The following NRG1 variants were observed in gnomAD, a reference collection of about 807,000 sequenced individuals.
NRG1 encodes the protein neuregulin 1, also known as pro-neuregulin-1, membrane-bound isoform.
In NRG1, 18 loss-of-function variants were observed where a neutral mutation model predicts 63.8. The ratio of observed to expected loss-of-function variants is 0.28; its 90% CI spans 0.19 to 0.42. The LOEUF is 0.42. Ranked by LOEUF, NRG1 falls within the 10% of genes least tolerant of loss-of-function variation. The pLI, the probability that NRG1 is intolerant of heterozygous loss-of-function variation, is 1.00. For missense variants in NRG1, 762 were observed against 814.7 expected, an observed-to-expected ratio of 0.94 and a Z score of 0.79; for synonymous variants, 302 against 301.3, an observed-to-expected ratio of 1.00 and a Z score of -0.02.
intron 1 of NRG1, among the ~76,000 whole-genome samples, chr8:32,240,096 T>C (rs2129469603): frequency 6.6e-6 from 1 of 152,336 alleles, no homozygotes; most frequent in South Asian, 2.1e-4. Flanking sequence ...TAAAAACCTG[T>C]ACATGAATAT....
At chr8:31,770,410 A>G (rs542790259) in intron 1 of NRG1, among the ~76,000 whole-genome samples, 3 of 152,238 alleles carry the variant, frequency 2.0e-5, no homozygotes, top group Admixed American at 2.0e-4. Flanking sequence ...AGGAAAGTGG[A>G]GGAGGAGTGG....
chr8:32,488,643 T>C (rs201578316), intron 1 of NRG1, among the ~76,000 whole-genome samples: 1 of 131,904 alleles, frequency 7.6e-6, no homozygotes, highest in Non-Finnish European at 1.7e-5. Flanking sequence ...ACAAACAAAC[T>C]AGCCAGGCAT....
At chr8:31,748,654 C>T (rs1228180794) in intron 1 of NRG1, among the ~76,000 whole-genome samples, 2 of 151,788 alleles carry the variant, frequency 1.3e-5, no homozygotes, top group South Asian at 4.2e-4. Flanking sequence ...AATAAAGGTC[C>T]TTTTTTCTTA....
At chr8:32,052,271 GTTTTTTTTT>G (rs5890615) in intron 1 of NRG1, among the ~76,000 whole-genome samples, 1 of 91,410 alleles carries the variant, frequency 1.1e-5, no homozygotes, top group Non-Finnish European at 2.2e-5. Context: ...CTTTCCTCCT[GTTTTTTTTT>G]TTTTTTTTTT....
intron 1 of NRG1, among the ~76,000 whole-genome samples, chr8:31,929,154 G>A (rs964269509): frequency 1.3e-5 from 2 of 152,196 alleles, no homozygotes; most frequent in Non-Finnish European, 2.9e-5. Context: ...TTCCCAACCA[G>A]AAGTTAATTT....
intron 1 of NRG1, among the ~76,000 whole-genome samples, chr8:31,923,831 C>T (rs1463653972): frequency 2.0e-5 from 3 of 152,040 alleles, no homozygotes; most frequent in Non-Finnish European, 4.4e-5. Flanking sequence ...ACATTGTACC[C>T]ACCAAGCAAC....
chr8:32,739,317 T>G (rs1304852937), intron 6 of NRG1, among the ~76,000 whole-genome samples: 1 of 152,146 alleles, frequency 6.6e-6, no homozygotes, highest in Admixed American at 6.5e-5. Context: ...GCGTTTACAC[T>G]AGCACACTCC....
At chr8:32,321,919 A>G (rs117728047) in intron 1 of NRG1, among the ~76,000 whole-genome samples, 2 of 151,974 alleles carry the variant, frequency 1.3e-5, no homozygotes, top group African/African-American at 2.4e-5. Context: ...TAGAGACAAG[A>G]TGCTGCCTTA....
chr8:31,654,035 G>T (rs1403533078), intron 1 of NRG1, among the ~76,000 whole-genome samples: 1 of 151,524 alleles, frequency 6.6e-6, no homozygotes, highest in Admixed American at 6.6e-5. Context: ...GGTTAAACCT[G>T]CCTGGTGTAT....
chr8:32,210,585 C>A (rs1375756478), intron 1 of NRG1, among the ~76,000 whole-genome samples: 5 of 152,144 alleles, frequency 3.3e-5, no homozygotes, highest in Non-Finnish European at 7.3e-5. Flanking sequence ...CACGGTACAA[C>A]CAGCTCTGAG....
intron 5 of NRG1, among the ~76,000 whole-genome samples, chr8:32,701,347 T>A (rs1230098275): frequency 6.6e-6 from 1 of 152,158 alleles, no homozygotes; most frequent in Non-Finnish European, 1.5e-5. Context: ...TGACATTCAT[T>A]CCATGTGTTG....
intron 1 of NRG1, among the ~76,000 whole-genome samples, chr8:32,352,677 T>C (rs894318525): frequency 3.9e-5 from 6 of 152,026 alleles, no homozygotes; most frequent in African/African-American, 1.4e-4. Flanking sequence ...GGCTAGGAGT[T>C]TGAGACCAGC....
intron 6 of NRG1, among the ~76,000 whole-genome samples, chr8:32,733,256 C>A (rs561373648): frequency 1.3e-5 from 2 of 152,058 alleles, no homozygotes; most frequent in African/African-American, 2.4e-5. Flanking sequence ...CAACAAAAAA[C>A]AAACTAAATT....
At chr8:32,483,840 C>T (rs1265830768) in intron 1 of NRG1, among the ~76,000 whole-genome samples, 1 of 152,130 alleles carries the variant, frequency 6.6e-6, no homozygotes, top group African/African-American at 2.4e-5. Context: ...TGCGGTGGCT[C>T]ACGCCTGTAA....
intron 1 of NRG1, among the ~76,000 whole-genome samples, chr8:32,397,593 T>A (rs1021760202): frequency 6.6e-6 from 1 of 151,982 alleles, no homozygotes; most frequent in Admixed American, 6.6e-5. Context: ...TTTCCTCTAA[T>A]TGGGTGTGTG....
chr8:32,723,419 C>T (rs184599052), intron 5 of NRG1, among the ~76,000 whole-genome samples: 7 of 152,060 alleles, frequency 4.6e-5, no homozygotes, highest in East Asian at 1.9e-4. Context: ...TGGTGGCTCA[C>T]GCCTGTAATC....
rs150647713 is a variant in NRG1 at position 32,711,452 on chromosome 8, A to G, written c.503-16497A>G. ...AAGGGAACCAGGAAGAAGAGAAGCA[A>G]AAGACATAACTTTACAATGCCTAGC... On this transcript the variant is annotated intron_variant, in intron 5 of 11. Transcript: ENST00000356819. Among the ~76,000 whole-genome samples the G allele has an allele frequency of 3.9e-3, 601 of 152,266 alleles. 3 individuals carry two copies. Among genetic ancestry groups the G allele is most frequent in the African/African-American group, 0.014 (583 of 41,576 alleles).
chr8:32,088,203 A>T (rs537257078), intron 1 of NRG1, among the ~76,000 whole-genome samples: 1 of 152,336 alleles, frequency 6.6e-6, no homozygotes, highest in East Asian at 1.9e-4. Flanking sequence ...GTCTCTCTAC[A>T]GTGAGAATAA....
chr8:31,702,749 CTTTA>C (rs1385959429), intron 1 of NRG1, among the ~76,000 whole-genome samples: 1 of 152,082 alleles, frequency 6.6e-6, no homozygotes, highest in Non-Finnish European at 1.5e-5. Context: ...ACAGCTATTA[CTTTA>C]TTTTTTAATT....
Sources: gnomAD v4.1 joint callset for allele counts (sites outside exome capture counted in the v4.1 genomes callset) on GRCh38, gnomAD v4.1.1 for gene constraint, MANE v1.5 for transcripts, NCBI Gene and HGNC (gene_info 2026-07-23, HGNC 2026-07-21) for gene names.